CCDC102B: variants seen among roughly 807,000 people sequenced by gnomAD.
CCDC102B encodes coiled-coil domain-containing protein 102B.
Under a neutral mutation model 57.4 loss-of-function variants are expected in CCDC102B, and 75 were observed. The ratio of observed to expected loss-of-function variants is 1.31; its 90% CI spans 1.08 to 1.58. CCDC102B has a LOEUF of 1.58. CCDC102B is among the 40% of genes most tolerant of loss of function. The pLI is 0.00. For missense variants in CCDC102B, 636 were observed against 582.6 expected, an observed-to-expected ratio of 1.09 and a Z score of -0.94; for synonymous variants, 206 against 201.9, an observed-to-expected ratio of 1.02 and a Z score of -0.17.
At position 68,899,079 on chromosome 18, in the gene CCDC102B, G is replaced by A. The variant is rs147439749; in HGVS notation, c.1263+1651G>A. Among the ~76,000 whole-genome samples, 741 of 148,550 alleles carry A rather than the reference G, an allele frequency of 5.0e-3. 3 individuals are homozygous for A. Among genetic ancestry groups the A allele is most frequent in the Non-Finnish European group, 7.7e-3 (521 of 67,350 alleles). ...GGGTATGCTGATCACTTAGAAGACT[G>A]TAGGATTTTTTAAGTATATATCATT... On this transcript the variant is annotated intron_variant, in intron 6 of 7. Coordinates refer to ENST00000360242, the MANE Select transcript of CCDC102B (RefSeq NM_024781.3).
At chr18:68,847,793 A>G (rs537457605) in intron 4 of CCDC102B, among the ~76,000 whole-genome samples, 4 of 151,924 alleles carry the variant, frequency 2.6e-5, no homozygotes, top group African/African-American at 9.6e-5. Flanking sequence ...TTGTCTTTTG[A>G]GTGCATATTT....
intron 6 of CCDC102B, among the ~76,000 whole-genome samples, chr18:68,981,269 GAAGAGACAGGGAA>G (rs2050572395): frequency 6.6e-6 from 1 of 151,886 alleles, no homozygotes; most frequent in African/African-American, 2.4e-5. Context: ...AAAGAGAGAA[GAAGAGACAGGGAA>G]AAAGGAAACC....
chr18:68,842,144 C>G (rs1331805808), intron 3 of CCDC102B, among the ~76,000 whole-genome samples: 1 of 151,576 alleles, frequency 6.6e-6, no homozygotes, highest in Non-Finnish European at 1.5e-5. Flanking sequence ...GAAGCTTCAG[C>G]AAATTAAAAA....
intron 2 of CCDC102B, among the ~76,000 whole-genome samples, chr18:68,769,910 G>A (rs1431943090): frequency 1.3e-5 from 2 of 152,114 alleles, no homozygotes; most frequent in African/African-American, 4.8e-5. Flanking sequence ...AGAACAATAT[G>A]GTCATATTTG....
At chr18:68,829,066 G>A (rs1030489059) in intron 1 of CCDC102B, among the ~76,000 whole-genome samples, 5 of 151,710 alleles carry the variant, frequency 3.3e-5, no homozygotes, top group African/African-American at 7.3e-5. Context: ...CTACATGTTC[G>A]CTACAACATT....
chr18:68,776,966 T>G (rs2034841275), intron 2 of CCDC102B, among the ~76,000 whole-genome samples: 6 of 152,248 alleles, frequency 3.9e-5, no homozygotes, highest in Admixed American at 3.3e-4. Flanking sequence ...TTATATATTG[T>G]GTCTCTGTGT....
chr18:68,734,376 G>A lies in CCDC102B; in HGVS notation c.-67+17782G>A, dbSNP rs73967599. Among the ~76,000 whole-genome samples, 1,051 of 152,234 alleles carry A rather than the reference G, an allele frequency of 6.9e-3. 18 individuals are homozygous for A. The highest frequency in any genetic ancestry group is 0.024 in the African/African-American group (995 of 41,526). On this transcript the variant is annotated intron_variant, in intron 2 of 3. Coordinates refer to the CCDC102B transcript ENST00000578970. ...TAGAGATTAGCCAGAAAAGCAGGGTGCAAACATATAAATTATTGTAAAATC... is the reference window on the plus strand; with the variant it reads ...TAGAGATTAGCCAGAAAAGCAGGGTACAAACATATAAATTATTGTAAAATC...
chr18:69,019,521 T>A (rs2051766932), intron 7 of CCDC102B, among the ~76,000 whole-genome samples: 1 of 152,088 alleles, frequency 6.6e-6, no homozygotes, highest in Admixed American at 6.6e-5. Flanking sequence ...AATTTCTTGT[T>A]CAGATAGTTT....
chr18:68,901,855 C>A (rs762757005), intron 6 of CCDC102B, among the ~76,000 whole-genome samples: 2 of 152,154 alleles, frequency 1.3e-5, no homozygotes, highest in Non-Finnish European at 2.9e-5. Context: ...TCATCATCCT[C>A]AGGTCATGAA....
chr18:68,823,163 T>C (rs1482001973), intron 1 of CCDC102B, among the ~76,000 whole-genome samples: 3 of 152,194 alleles, frequency 2.0e-5, no homozygotes, highest in Non-Finnish European at 2.9e-5. Context: ...TTCGCATAGG[T>C]TGTAACCAAT....
intron 6 of CCDC102B, among the ~76,000 whole-genome samples, chr18:68,972,121 A>T (rs1245104154): frequency 6.6e-6 from 1 of 152,184 alleles, no homozygotes; most frequent in African/African-American, 2.4e-5. Context: ...AATCCAAAGT[A>T]CTAGATTTGG....
At chr18:68,722,298 T>G (rs2032376016) in intron 2 of CCDC102B, among the ~76,000 whole-genome samples, 1 of 152,210 alleles carries the variant, frequency 6.6e-6, no homozygotes, top group Admixed American at 6.5e-5. Flanking sequence ...TCCCCACTCT[T>G]CCCTTGTCGT....
At chr18:69,051,569 A>G (rs56792964) in intron 7 of CCDC102B, among the ~76,000 whole-genome samples, 8,054 of 152,092 alleles carry the variant, frequency 0.053, 733 homozygotes, top group African/African-American at 0.18. Flanking sequence ...AGAATAATCA[A>G]GGTATTTCTG....
At chr18:68,874,646 G>A (rs374269863) in intron 4 of CCDC102B, 23 bp from the exon 5 acceptor site, 44 of 1,462,740 alleles carry the variant, frequency 3.0e-5, no homozygotes, top group Non-Finnish European at 3.8e-5. Flanking sequence ...TCCTGTGATT[G>A]TAATTTCAAC....
intron 4 of CCDC102B, among the ~76,000 whole-genome samples, chr18:68,873,407 T>C (rs1319491785): frequency 6.6e-6 from 1 of 152,152 alleles, no homozygotes; most frequent in Non-Finnish European, 1.5e-5. Context: ...GTTTATTGCC[T>C]TTTAGACAAT....
At chr18:68,723,758 G>A (rs987936699) in intron 2 of CCDC102B, among the ~76,000 whole-genome samples, 2 of 152,232 alleles carry the variant, frequency 1.3e-5, no homozygotes, top group African/African-American at 4.8e-5. Context: ...ACAGGCTGGT[G>A]TTGAAAGTCT....
chr18:68,977,458 C>A (rs990521815), intron 6 of CCDC102B, among the ~76,000 whole-genome samples: 4 of 151,520 alleles, frequency 2.6e-5, no homozygotes, highest in Non-Finnish European at 5.9e-5. Flanking sequence ...ACGTTCCCCT[C>A]TCTATGTCCT....
intron 2 of CCDC102B, among the ~76,000 whole-genome samples, chr18:68,776,755 A>T (rs1246416327): frequency 6.6e-6 from 1 of 152,160 alleles, no homozygotes; most frequent in African/African-American, 2.4e-5. Context: ...TACAAAAAAA[A>T]ACCCTATGAC....
At chr18:68,975,743 G>A (rs1388237546) in intron 6 of CCDC102B, among the ~76,000 whole-genome samples, 4 of 151,660 alleles carry the variant, frequency 2.6e-5, no homozygotes, top group Non-Finnish European at 4.4e-5. Flanking sequence ...TAGAGTCAGG[G>A]GTCATTGCAC....
Sources: allele counts gnomAD v4.1 joint callset (sites outside exome capture counted in the v4.1 genomes callset), GRCh38; gene constraint gnomAD v4.1.1; transcripts MANE v1.5; gene names NCBI Gene and HGNC (gene_info 2026-07-23, HGNC 2026-07-21).